The following SERINC5 variants were observed in gnomAD, a reference collection of about 807,000 sequenced individuals.
SERINC5 encodes serine incorporator 5.
SERINC5 carries 41 observed loss-of-function variants against 63.1 expected under a neutral mutation model. The ratio of observed to expected loss-of-function variants is 0.65; its 90% CI spans 0.51 to 0.84. The LOEUF (loss-of-function observed/expected upper bound fraction) is 0.84, where lower values mean the gene tolerates loss of function less well. Among genes scored for constraint, SERINC5 ranks in the 40% least tolerant of loss-of-function variants. SERINC5 has a pLI of 0.00. For synonymous variants in SERINC5, 222 were observed against 215.2 expected (o/e 1.03, Z -0.28); for missense variants, 523 against 573.0 (o/e 0.91, Z 0.89).
At chr5:80,168,966 G>A (rs1377337342) in intron 6 of SERINC5, among the ~76,000 whole-genome samples, 4 of 152,120 alleles carry the variant, frequency 2.6e-5, no homozygotes, top group East Asian at 3.8e-4. Context: ...CCCCTTCTGC[G>A]GCCCTTTCAT....
chr5:80,202,888 G>A lies in SERINC5; in HGVS notation c.193C>T (p.His65Tyr). ...STTVAHKMKE[H>Y]IPFFEDMCKG... The stretch of plus-strand genomic sequence containing the variant: ...GAGCTGAACACGGACAAACTTACGT[G>A]CTCTTTCATCTTGTGAGCCACGGTT... The change falls in exon 2 of 12, where the codon CAC becomes TAC. Residue 65 changes from histidine (H) to tyrosine (Y), a missense_variant and splice_region_variant. Physicochemically the swap from His to Tyr is moderately conservative, Grantham distance 83. Coordinates refer to ENST00000507668, the MANE Select transcript of SERINC5 (RefSeq NM_001174072.3). 6.2e-7 allele frequency: 1 copy of A among 1,607,996 alleles called. No homozygotes were observed. Among genetic ancestry groups the A allele is most frequent in the Middle Eastern group, 1.7e-4 (1 of 6,026 alleles).
chr5:80,157,246 G>A (rs1394160059), intron 8 of SERINC5: 1 of 152,098 alleles, frequency 6.6e-6, no homozygotes, highest in Non-Finnish European at 1.5e-5. Flanking sequence ...ACCCACCTTT[G>A]CCTCCCAAAG....
At chr5:80,254,797 C>T (rs975734854) in intron 1 of SERINC5, among the ~76,000 whole-genome samples, 1 of 152,180 alleles carries the variant, frequency 6.6e-6, no homozygotes, top group Non-Finnish European at 1.5e-5. Context: ...GTATGCCAAG[C>T]ACAGTATTAG....
At chr5:80,187,390 A>T (rs888510307) in intron 2 of SERINC5, among the ~76,000 whole-genome samples, 21 of 152,086 alleles carry the variant, frequency 1.4e-4, no homozygotes, top group Admixed American at 1.4e-3. Context: ...CCCTTTTCTG[A>T]TATTCCACTC....
At chr5:80,120,184 C>T (rs564454313) in intron 11 of SERINC5, among the ~76,000 whole-genome samples, 4 of 152,316 alleles carry the variant, frequency 2.6e-5, no homozygotes, top group African/African-American at 9.6e-5. Context: ...ATTTCTTCTT[C>T]TTGTTCATAC....
At chr5:80,183,377 G>A (rs1438223309) in intron 2 of SERINC5, among the ~76,000 whole-genome samples, 1 of 152,142 alleles carries the variant, frequency 6.6e-6, no homozygotes, top group Non-Finnish European at 1.5e-5. Flanking sequence ...GCATCACCAA[G>A]GGGTATCCCA....
chr5:80,177,605 C>T (rs896582796), intron 3 of SERINC5, among the ~76,000 whole-genome samples: 11 of 152,132 alleles, frequency 7.2e-5, no homozygotes, highest in African/African-American at 2.7e-4. Context: ...GTGCAAAACA[C>T]CATTTCATTG....
At chr5:80,201,826 T>C (rs142802545) in intron 2 of SERINC5, among the ~76,000 whole-genome samples, 14 of 152,188 alleles carry the variant, frequency 9.2e-5, no homozygotes, top group African/African-American at 3.4e-4. Context: ...ACCCTACAAG[T>C]AACCTGTCCA....
intron 1 of SERINC5, among the ~76,000 whole-genome samples, chr5:80,219,667 T>C (rs1241210820): frequency 6.6e-6 from 1 of 152,136 alleles, no homozygotes; most frequent in Non-Finnish European, 1.5e-5. Flanking sequence ...GCTGCCTCGA[T>C]GGCACCAACT....
At chr5:80,160,610 G>A (rs73772268) in intron 7 of SERINC5, among the ~76,000 whole-genome samples, 5,891 of 152,200 alleles carry the variant, frequency 0.039, 153 homozygotes, top group East Asian at 0.096. Flanking sequence ...TTTTTTACAT[G>A]TAGTGGTGAA....
At chr5:80,250,087 G>A (rs1026627558) in intron 1 of SERINC5, among the ~76,000 whole-genome samples, 3 of 152,118 alleles carry the variant, frequency 2.0e-5, no homozygotes, top group Non-Finnish European at 4.4e-5. Context: ...CTCAACAGGG[G>A]GTTCAGCTAG....
At chr5:80,216,487 C>T (rs10074706) in intron 1 of SERINC5, among the ~76,000 whole-genome samples, 23,621 of 152,188 alleles carry the variant, frequency 0.16, 2,108 homozygotes, top group Admixed American at 0.19. Flanking sequence ...AAAGCTAAAG[C>T]CGTCTTTACA....
At chr5:80,251,294 A>ACATG (rs1554072918) in intron 1 of SERINC5, among the ~76,000 whole-genome samples, 3 of 50,044 alleles carry the variant, frequency 6.0e-5, no homozygotes, top group Non-Finnish European at 1.5e-4. Context: ...ATACATGCAT[A>ACATG]CATACATACA....
intron 1 of SERINC5, among the ~76,000 whole-genome samples, chr5:80,250,757 C>G (rs1158820814): frequency 6.6e-6 from 1 of 152,204 alleles, no homozygotes; most frequent in African/African-American, 2.4e-5. Context: ...GACCCCTATT[C>G]CAGCAAACAT....
chr5:80,188,282 C>CAAA (rs34863168), intron 2 of SERINC5, among the ~76,000 whole-genome samples: 19 of 82,768 alleles, frequency 2.3e-4, no homozygotes, highest in Non-Finnish European at 3.3e-4. Context: ...GACTCCGTCT[C>CAAA]AAAAAAAAAA....
At chr5:80,174,897 G>T in intron 5 of SERINC5, 57 bp downstream of exon 5, 2 of 1,241,188 alleles carry the variant, frequency 1.6e-6, no homozygotes, top group Non-Finnish European at 2.3e-6. Flanking sequence ...GTACAGCCTT[G>T]GTCAAAACTG....
intron 1 of SERINC5, among the ~76,000 whole-genome samples, chr5:80,213,176 G>A (rs774829496): frequency 3.4e-5 from 5 of 149,172 alleles, no homozygotes; most frequent in Non-Finnish European, 5.9e-5. Flanking sequence ...AACCCAGGAG[G>A]CGGAGGTTGC....
At chr5:80,245,965 T>TAAA (rs57108110) in intron 1 of SERINC5, among the ~76,000 whole-genome samples, 18 of 115,954 alleles carry the variant, frequency 1.6e-4, no homozygotes, top group African/African-American at 2.6e-4. Flanking sequence ...GTCAGCTCTT[T>TAAA]AAAAAAAAAA....
intron 1 of SERINC5, among the ~76,000 whole-genome samples, chr5:80,210,214 C>G (rs1750372044): frequency 6.6e-6 from 1 of 152,158 alleles, no homozygotes; most frequent in Non-Finnish European, 1.5e-5. Context: ...GGCACATCCT[C>G]CCTCCAACCG....
Sources: allele counts gnomAD v4.1 joint callset (sites outside exome capture counted in the v4.1 genomes callset), GRCh38; gene constraint gnomAD v4.1.1; transcripts MANE v1.5; gene names NCBI Gene and HGNC (gene_info 2026-07-23, HGNC 2026-07-21).